Variants in NFILZ observed in about 807,000 individuals in gnomAD.
NFILZ encodes the protein NFIL3 like protein.
chr19:8,640,604 C>T (rs553811628), intron 3 of NFILZ, among the ~76,000 whole-genome samples: 6 of 152,160 alleles, frequency 3.9e-5, no homozygotes, highest in East Asian at 1.9e-4. Flanking sequence ...ATTGAGGCGG[C>T]GACACGATGA....
chr19:8,663,746 G>GTA (rs1555674956), intron 3 of NFILZ, among the ~76,000 whole-genome samples: 786 of 51,912 alleles, frequency 0.015, 7 homozygotes, highest in South Asian at 0.031. Flanking sequence ...GTGTGTGTGT[G>GTA]TGTGTGTGTG....
At chr19:8,642,996 C>A (rs2146140751) in intron 3 of NFILZ, among the ~76,000 whole-genome samples, 1 of 147,670 alleles carries the variant, frequency 6.8e-6, no homozygotes, top group East Asian at 2.0e-4. Context: ...GTCACCCAGG[C>A]TGGAGTGCAG....
At position 8,632,579 on chromosome 19, in the gene NFILZ, GC is replaced by G. The variant is rs1382119635; in HGVS notation, c.-305del. 5 of 152,130 alleles carry G rather than the reference GC, an allele frequency of 3.3e-5. No individual in the cohort carries two copies. In the East Asian group the frequency reaches 7.7e-4, roughly 23 times the overall value. The allele number at this position is 152,130 out of a possible 1,614,324, so 9.4% of individuals were successfully genotyped here. A position where few individuals can be genotyped will look rare whatever the true frequency, so the allele number is the denominator to read the frequency against. Reference sequence around the variant, plus strand: ...ACCAGCCCCCTGACGGTTTACAGATGCCATGGCAACATCAGGAAGTTACCCT... The same window carrying G: ...ACCAGCCCCCTGACGGTTTACAGATGCATGGCAACATCAGGAAGTTACCCT... On this transcript the variant is annotated 5_prime_UTR_variant, in exon 2 of 6. It introduces an in-frame stop codon into an upstream open reading frame of the 5' UTR. Transcript: ENST00000691075.
chr19:8,633,883 CTT>C (rs2042881759), intron 2 of NFILZ, among the ~76,000 whole-genome samples: 1 of 69,324 alleles, frequency 1.4e-5, no homozygotes, highest in African/African-American at 5.3e-5. Context: ...TTCTCCCTTC[CTT>C]CCTTCCTTCC....
intron 3 of NFILZ, among the ~76,000 whole-genome samples, chr19:8,641,099 C>T (rs1183958096): frequency 6.6e-6 from 1 of 152,146 alleles, no homozygotes; most frequent in Non-Finnish European, 1.5e-5. Context: ...AGAGCATATT[C>T]TCCAATGTTT....
At chr19:8,653,038 TTC>T (rs1163296485) in intron 3 of NFILZ, among the ~76,000 whole-genome samples, 36 of 90,582 alleles carry the variant, frequency 4.0e-4, no homozygotes, top group East Asian at 1.1e-3. Flanking sequence ...CTTTCTTTCT[TTC>T]TCTCTCTCTC....
At chr19:8,655,861 C>T (rs1323479708) in intron 3 of NFILZ, among the ~76,000 whole-genome samples, 2 of 151,976 alleles carry the variant, frequency 1.3e-5, no homozygotes, top group Non-Finnish European at 2.9e-5. Context: ...CTGTGTCTCC[C>T]CATGTCTCTC....
At chr19:8,638,443 G>C (rs797032693) in intron 3 of NFILZ, 2 of 152,332 alleles carry the variant, frequency 1.3e-5, no homozygotes, top group African/African-American at 4.8e-5. Flanking sequence ...AAGGACTGTG[G>C]GGCCTTGGGC....
intron 3 of NFILZ, among the ~76,000 whole-genome samples, chr19:8,670,645 G>A (rs2043082307): frequency 6.6e-6 from 1 of 152,164 alleles, no homozygotes. Context: ...TTGCTGGGTT[G>A]GGTGACTATA....
intron 3 of NFILZ, among the ~76,000 whole-genome samples, chr19:8,646,297 A>G (rs2042938980): frequency 6.6e-6 from 1 of 152,120 alleles, no homozygotes. Flanking sequence ...TCGGCCTCCC[A>G]AAGTGCTGGG....
At chr19:8,648,299 A>G (rs1316282132) in intron 3 of NFILZ, among the ~76,000 whole-genome samples, 1 of 152,020 alleles carries the variant, frequency 6.6e-6, no homozygotes, top group African/African-American at 2.4e-5. Flanking sequence ...CACGTCTCGC[A>G]CATGTACCCT....
chr19:8,643,480 G>A (rs1005906190), intron 3 of NFILZ, among the ~76,000 whole-genome samples: 5 of 152,330 alleles, frequency 3.3e-5, no homozygotes, highest in South Asian at 4.1e-4. Flanking sequence ...GGGTGTTTCT[G>A]GGAGAGATTA....
rs782255552 is a variant in NFILZ, at chr19:8,649,971, C to T, written c.-164+14225C>T. On this transcript the variant is annotated intron_variant, in intron 3 of 5. Coordinates refer to ENST00000691075, the MANE Select transcript of NFILZ (RefSeq NM_001378600.1). ...CTGTACTAAAAATACAAAAATTAGC[C>T]GGTCTTGGTCGTGGGCGCCTGTAAT... is the stretch of plus-strand genomic sequence containing the variant. 2.4e-4 allele frequency among the ~76,000 whole-genome samples: 36 copies of T among 152,008 alleles called. 1 individual carries two copies. Among genetic ancestry groups the T allele is most frequent in the Admixed American group, 3.9e-4 (6 of 15,238 alleles).
chr19:8,647,683 G>A (rs1339701996), intron 3 of NFILZ, among the ~76,000 whole-genome samples: 2 of 150,542 alleles, frequency 1.3e-5, no homozygotes, highest in Non-Finnish European at 2.9e-5. Flanking sequence ...AAAACCAAAC[G>A]CTGCATGTTC....
At chr19:8,663,688 C>T (rs2043043357) in intron 3 of NFILZ, among the ~76,000 whole-genome samples, 1 of 110,580 alleles carries the variant, frequency 9.0e-6, no homozygotes, top group Non-Finnish European at 1.8e-5. Context: ...CTGGGCTCAG[C>T]GTAGAATTAA....
intron 3 of NFILZ, among the ~76,000 whole-genome samples, chr19:8,645,591 T>C (rs10417327): frequency 0.012 from 1,845 of 152,168 alleles, 41 homozygotes; most frequent in African/African-American, 0.043. Flanking sequence ...GGCAAGGACA[T>C]TTGCTGGGGA....
intron 3 of NFILZ, among the ~76,000 whole-genome samples, chr19:8,670,787 T>G (rs8106119): frequency 0.014 from 2,170 of 152,102 alleles, 59 homozygotes; most frequent in African/African-American, 0.049. Flanking sequence ...CTGAGGTCAG[T>G]AGTTTGAGAC....
At chr19:8,656,261 CTTCTCT>C in intron 3 of NFILZ, among the ~76,000 whole-genome samples, 1 of 143,604 alleles carries the variant, frequency 7.0e-6, no homozygotes, top group Non-Finnish European at 1.5e-5. Flanking sequence ...CGCAGCCCAT[CTTCTCT>C]CTGAAGCCCA....
At chr19:8,634,000 G>GCTTTCTTGCTTGCTTTCTTC (rs2042883625) in intron 2 of NFILZ, among the ~76,000 whole-genome samples, 2 of 147,460 alleles carry the variant, frequency 1.4e-5, no homozygotes, top group Admixed American at 1.4e-4. Flanking sequence ...TTGCTTTCTT[G>GCTTTCTTGCTTGCTTTCTTC]TTTCCTTTTT....
Sources: allele counts gnomAD v4.1 joint callset (sites outside exome capture counted in the v4.1 genomes callset), GRCh38; gene constraint gnomAD v4.1.1; transcripts MANE v1.5; gene names NCBI Gene and HGNC (gene_info 2026-07-23, HGNC 2026-07-21).